RYK: variants seen among roughly 807,000 people sequenced by gnomAD.
RYK encodes inactive tyrosine-protein kinase RYK.
Under a neutral mutation model 70.2 loss-of-function variants are expected in RYK, and 21 were observed. The ratio of observed to expected loss-of-function variants is 0.30; its 90% CI spans 0.21 to 0.43. RYK has a LOEUF of 0.43. Ranked by LOEUF, RYK falls within the 20% of genes least tolerant of loss-of-function variation. RYK has a pLI of 1.00. For synonymous variants in RYK, 267 were observed against 278.0 expected, an observed-to-expected ratio of 0.96 and a Z score of 0.39; for missense variants, 604 against 753.3, an observed-to-expected ratio of 0.80 and a Z score of 2.32.
At position 134,233,944 on chromosome 3, in the gene RYK, C is replaced by T. The variant is rs549315196; in HGVS notation, c.233-11405G>A. On this transcript the variant is annotated intron_variant, in intron 1 of 14. Transcript: ENST00000623711. Reference sequence around the variant, plus strand: ...ATGTAACAGGTATTCAATAAACATCCGGTGAATCAAAGTTAAATATATATT... The same window carrying T: ...ATGTAACAGGTATTCAATAAACATCTGGTGAATCAAAGTTAAATATATATT... 3.9e-5 allele frequency among the ~76,000 whole-genome samples: 6 copies of T among 152,014 alleles called. No individual in the cohort carries two copies. In the East Asian group the frequency reaches 5.8e-4, roughly 15 times the overall value.
chr3:134,203,348 T>C (rs2014091187), intron 5 of RYK, among the ~76,000 whole-genome samples: 1 of 152,156 alleles, frequency 6.6e-6, no homozygotes, highest in African/African-American at 2.4e-5. Flanking sequence ...TATGGACTAT[T>C]CTTACCAAAA....
At chr3:134,195,686 C>A (rs1305319202) in intron 6 of RYK, among the ~76,000 whole-genome samples, 1 of 152,206 alleles carries the variant, frequency 6.6e-6, no homozygotes, top group Non-Finnish European at 1.5e-5. Context: ...GTGGCTCACG[C>A]CTGTAATCCC....
At chr3:134,177,915 T>C (rs1230314420) in intron 11 of RYK, 26 bp downstream of exon 11, 3 of 1,592,024 alleles carry the variant, frequency 1.9e-6, no homozygotes, top group East Asian at 4.5e-5. Flanking sequence ...TGGTAAATAA[T>C]TGGTATTTGG....
At chr3:134,199,130 A>C (rs943736031) in intron 6 of RYK, among the ~76,000 whole-genome samples, 1 of 152,210 alleles carries the variant, frequency 6.6e-6, no homozygotes, top group Non-Finnish European at 1.5e-5. Context: ...GACTGAAAAG[A>C]TCAATTTGCA....
chr3:134,192,991 AT>A (rs147197783), intron 7 of RYK, among the ~76,000 whole-genome samples: 297 of 152,044 alleles, frequency 2.0e-3, no homozygotes, highest in African/African-American at 6.8e-3. Flanking sequence ...GTCTTCAAAT[AT>A]TTTTTTCTTC....
chr3:134,222,183 G>T (rs974370180), intron 2 of RYK, among the ~76,000 whole-genome samples: 1 of 152,224 alleles, frequency 6.6e-6, no homozygotes, highest in African/African-American at 2.4e-5. Flanking sequence ...AGGATGTTAA[G>T]TGTTGTGTCA....
intron 13 of RYK, among the ~76,000 whole-genome samples, chr3:134,163,375 C>A (rs777468592): frequency 1.3e-5 from 2 of 152,096 alleles, no homozygotes; most frequent in Non-Finnish European, 2.9e-5. Flanking sequence ...TGTTTGACGT[C>A]GGTGGAAAGG....
At chr3:134,245,194 T>C (rs1388945506) in intron 1 of RYK, among the ~76,000 whole-genome samples, 1 of 152,096 alleles carries the variant, frequency 6.6e-6, no homozygotes, top group East Asian at 1.9e-4. Context: ...GACAGCACTT[T>C]TAAAAGTGTC....
chr3:134,223,179 C>T (rs954612835), intron 1 of RYK, among the ~76,000 whole-genome samples: 1 of 152,126 alleles, frequency 6.6e-6, no homozygotes, highest in African/African-American at 2.4e-5. Flanking sequence ...AACATAAATG[C>T]TTGTTAACCA....
intron 2 of RYK, among the ~76,000 whole-genome samples, chr3:134,221,915 T>C (rs1271665168): frequency 1.3e-5 from 2 of 152,184 alleles, no homozygotes; most frequent in Non-Finnish European, 2.9e-5. Context: ...CAAGAGATTC[T>C]TAAGTGATTG....
chr3:134,166,005 AAG>A (rs1177211777), intron 13 of RYK, among the ~76,000 whole-genome samples: 3 of 152,236 alleles, frequency 2.0e-5, no homozygotes, highest in African/African-American at 7.2e-5. Context: ...AAAACAACTT[AAG>A]ACTTTTAGGG....
At chr3:134,164,042 G>T (rs970034781) in intron 13 of RYK, among the ~76,000 whole-genome samples, 1 of 151,950 alleles carries the variant, frequency 6.6e-6, no homozygotes, top group African/African-American at 2.4e-5. Flanking sequence ...TACCATGTTG[G>T]CCAGGCTGGT....
At chr3:134,243,662 A>C (rs1431232933) in intron 1 of RYK, among the ~76,000 whole-genome samples, 9 of 152,092 alleles carry the variant, frequency 5.9e-5, no homozygotes, top group Admixed American at 5.9e-4. Flanking sequence ...CTTTGTTCAC[A>C]CTACTTTCTC....
intron 2 of RYK, among the ~76,000 whole-genome samples, chr3:134,215,006 C>G (rs1020421219): frequency 1.3e-5 from 2 of 152,148 alleles, no homozygotes; most frequent in Admixed American, 1.3e-4. Context: ...ACCTTCAATC[C>G]CTCTCAAGTG....
chr3:134,231,341 G>A (rs2015054336), intron 1 of RYK, among the ~76,000 whole-genome samples: 1 of 152,174 alleles, frequency 6.6e-6, no homozygotes, highest in Admixed American at 6.5e-5. Context: ...CAGCCTCCTG[G>A]GAACATCTGT....
intron 9 of RYK, among the ~76,000 whole-genome samples, chr3:134,187,539 T>C (rs2013503902): frequency 6.6e-6 from 1 of 152,102 alleles, no homozygotes; most frequent in African/African-American, 2.4e-5. Flanking sequence ...AAATAAGACT[T>C]ACCTCAGAAT....
At chr3:134,202,960 C>A in intron 5 of RYK, 86 bp from the exon 6 acceptor site, 1 of 1,051,406 alleles carries the variant, frequency 9.5e-7, no homozygotes, top group South Asian at 1.6e-5. Flanking sequence ...GTATTCTGTT[C>A]TTTTCATGTG....
Position 134,195,166 on chromosome 3 carries a change from T to C in RYK, c.805A>G (p.Ser269Gly), listed in dbSNP as rs2013773463. ...GATGGCTGAGACAGCCCTTGGGAAC[T>C]ACTGCTGGCACTAATGCTGCAAACA... ...ELDDSISASS[S>G]SQGLSQPSTQ... Residue 269 changes from serine (S) to glycine (G), a missense_variant, in exon 7 of 15, where the codon AGT becomes GGT. Transcript: ENST00000623711. 3.1e-6 allele frequency: 5 copies of C among 1,612,270 alleles called. No homozygotes were observed. Among genetic ancestry groups the C allele is most frequent in the Non-Finnish European group, 4.2e-6 (5 of 1,178,958 alleles).
chr3:134,239,252 A>G (rs993731644), intron 1 of RYK, among the ~76,000 whole-genome samples: 1 of 152,146 alleles, frequency 6.6e-6, no homozygotes, highest in Admixed American at 6.5e-5. Context: ...TTGAGCCCAG[A>G]AGTTTCAGAC....
Sources: gnomAD v4.1 joint callset for allele counts (sites outside exome capture counted in the v4.1 genomes callset) on GRCh38, gnomAD v4.1.1 for gene constraint, MANE v1.5 for transcripts, NCBI Gene and HGNC (gene_info 2026-07-23, HGNC 2026-07-21) for gene names.